Variants in RNF115 observed in about 807,000 individuals in gnomAD.
The protein encoded by RNF115 is E3 ubiquitin-protein ligase RNF115.
RNF115 carries 31 observed loss-of-function variants against 39.2 expected under a neutral mutation model. The ratio of observed to expected loss-of-function variants is 0.79; its 90% CI spans 0.59 to 1.07. The LOEUF (loss-of-function observed/expected upper bound fraction) is 1.07. RNF115 is among the 50% of genes least tolerant of loss of function. The pLI, the probability that RNF115 is intolerant of heterozygous loss-of-function variation, is 0.00. For synonymous variants in RNF115, 124 were observed against 131.0 expected (o/e 0.95, Z 0.37); for missense variants, 384 against 381.7 (o/e 1.01, Z -0.05).
chr1:145,786,904 A>G (rs1302887591), intron 2 of RNF115: 2 of 189,376 alleles, frequency 1.1e-5, no homozygotes, highest in East Asian at 3.7e-4. Context: ...CCAAGATGAC[A>G]TTTAACTGTA....
chr1:145,773,780 T>A (rs587691151), intron 3 of RNF115: 1 of 152,184 alleles, frequency 6.6e-6, no homozygotes, highest in Admixed American at 6.5e-5. Flanking sequence ...CAATATCTTA[T>A]TGTTTGCCCT....
At position 145,742,361 on chromosome 1, in the gene RNF115, G is replaced by C. The variant is rs1657716388; in HGVS notation, c.*4505C>G. On this transcript the variant is annotated 3_prime_UTR_variant, in exon 9 of 9. Transcript: ENST00000582693. ...AAAATCAATAGATAACCGTATTGTA[G>C]TTCAACTGATTATAATATAGAAGCA... 6.6e-6 allele frequency: 1 copy of C among 152,144 alleles called. No homozygotes were observed. The highest frequency in any genetic ancestry group is 2.4e-5 in the African/African-American group (1 of 41,416). 9.4% of individuals were successfully genotyped at this position (152,144 alleles called of 1,614,324 possible). A position where few individuals can be genotyped will look rare whatever the true frequency, so the allele number is the denominator to read the frequency against.
rs1553710695 is a variant in RNF115 at position 145,739,327 on chromosome 1, A to G, written c.*7539T>C. On this transcript the variant is annotated 3_prime_UTR_variant, in exon 9 of 9. Transcript: ENST00000582693. ...AGCTACAGCTCCATGGTGAGCCATT[A>G]AAAGGAAAGAGACACTTTACCTGTG... 6.6e-6 allele frequency: 1 copy of G among 152,204 alleles called. No individual in the cohort carries two copies. Among genetic ancestry groups the G allele is most frequent in the Non-Finnish European group, 1.5e-5 (1 of 68,024 alleles). The allele number at this position is 152,204 out of a possible 1,614,324, so 9.4% of individuals were successfully genotyped here.
chr1:145,766,311 G>A (rs1373144612), intron 4 of RNF115, among the ~76,000 whole-genome samples: 1 of 152,166 alleles, frequency 6.6e-6, no homozygotes, highest in Non-Finnish European at 1.5e-5. Flanking sequence ...AGGGTTGGGG[G>A]TAAGGTCACA....
chr1:145,787,973 T>C (rs776980259), intron 2 of RNF115, among the ~76,000 whole-genome samples: 6 of 152,126 alleles, frequency 3.9e-5, no homozygotes, highest in Non-Finnish European at 8.8e-5. Flanking sequence ...TTCAGAAATA[T>C]TTCCCCTTTT....
At chr1:145,819,702 A>T in intron 1 of RNF115, among the ~76,000 whole-genome samples, 2 of 152,224 alleles carry the variant, frequency 1.3e-5, no homozygotes, top group Non-Finnish European at 2.9e-5. Context: ...AGACACAAAA[A>T]TTCTAAATAA....
intron 1 of RNF115, among the ~76,000 whole-genome samples, chr1:145,793,842 C>CTTTT (rs11304765): frequency 5.2e-5 from 7 of 135,788 alleles, no homozygotes; most frequent in African/African-American, 8.2e-5. Context: ...TACCCTCTTT[C>CTTTT]TTTTTTTTTT....
At chr1:145,768,997 T>G (rs1553715377) in intron 4 of RNF115, among the ~76,000 whole-genome samples, 1 of 152,208 alleles carries the variant, frequency 6.6e-6, no homozygotes, top group African/African-American at 2.4e-5. Context: ...GATATACTGG[T>G]GCCTTGGAAG....
Position 145,740,127 on chromosome 1 carries a change from T to C in RNF115, c.*6739A>G, listed in dbSNP as rs781786290. 3.3e-5 allele frequency: 5 copies of C among 152,232 alleles called. No individual in the cohort carries two copies. Among genetic ancestry groups the C allele is most frequent in the Non-Finnish European group, 7.3e-5 (5 of 68,034 alleles). The allele number at this position is 152,232 out of a possible 1,614,324, so 9.4% of individuals were successfully genotyped here. ...TTTCTAACTAAATAATAAACTCACATAGGTAGAGATGTCTTTTGTTTTTAC... is the reference window on the plus strand; with the variant it reads ...TTTCTAACTAAATAATAAACTCACACAGGTAGAGATGTCTTTTGTTTTTAC... On this transcript the variant is annotated 3_prime_UTR_variant, in exon 9 of 9. Coordinates refer to ENST00000582693, the MANE Select transcript of RNF115 (RefSeq NM_014455.4).
chr1:145,805,057 C>A lies in RNF115; in HGVS notation c.103-16091G>T, dbSNP rs1027854832. Among the ~76,000 whole-genome samples the A allele has an allele frequency of 7.3e-5, 11 of 151,596 alleles. 1 individual carries two copies. Among genetic ancestry groups the A allele is most frequent in the Admixed American group, 1.3e-4 (2 of 15,226 alleles). ...CCAAGTATAAATATTAAAAAAAAAA[C>A]CATCTACCATCACCATTTCATTTTA... is the stretch of plus-strand genomic sequence containing the variant. On this transcript the variant is annotated intron_variant, in intron 1 of 8. Coordinates refer to ENST00000582693, the MANE Select transcript of RNF115 (RefSeq NM_014455.4).
intron 1 of RNF115, among the ~76,000 whole-genome samples, chr1:145,791,476 C>G (rs1276210855): frequency 1.3e-5 from 2 of 150,134 alleles, no homozygotes; most frequent in East Asian, 3.9e-4. Flanking sequence ...CACGCCATTG[C>G]ACTCCAGCCT....
rs1657774645 is a variant in RNF115 at position 145,743,819 on chromosome 1, AAT to A, written c.*3045_*3046del. 1 of 149,010 alleles carries A rather than the reference AAT, an allele frequency of 6.7e-6. No individual in the cohort carries two copies. The highest frequency in any genetic ancestry group is 2.4e-5 in the African/African-American group (1 of 40,880). The allele number at this position is 149,010 out of a possible 1,614,324, so 9.2% of individuals were successfully genotyped here. ...ATAAATAAATAAATAAATAAATAAT[AAT>A]AATAATAATAATAAATCCCTGAAGA... On this transcript the variant is annotated 3_prime_UTR_variant, in exon 9 of 9. Transcript: ENST00000582693.
chr1:145,757,882 C>G (rs587763780), intron 4 of RNF115, among the ~76,000 whole-genome samples: 1 of 152,200 alleles, frequency 6.6e-6, no homozygotes, highest in African/African-American at 2.4e-5. Flanking sequence ...GGAACTATAC[C>G]CAAGGAGCCA....
intron 4 of RNF115, among the ~76,000 whole-genome samples, chr1:145,765,801 T>A (rs1647227255): frequency 6.6e-6 from 1 of 152,184 alleles, no homozygotes; most frequent in African/African-American, 2.4e-5. Context: ...GAATAAATAT[T>A]TGCAGAATGA....
intron 3 of RNF115, among the ~76,000 whole-genome samples, chr1:145,778,538 A>AAAT (rs1647981976): frequency 6.6e-6 from 1 of 152,208 alleles, no homozygotes; most frequent in Non-Finnish European, 1.5e-5. Flanking sequence ...AATTAAGGGT[A>AAAT]AATAATTTTA....
At chr1:145,799,308 C>T (rs944649228) in intron 1 of RNF115, among the ~76,000 whole-genome samples, 3 of 152,068 alleles carry the variant, frequency 2.0e-5, no homozygotes, top group Non-Finnish European at 4.4e-5. Context: ...CCTCGTGATC[C>T]GCCTGCCTCG....
chr1:145,808,640 G>A (rs1346934157), intron 1 of RNF115, among the ~76,000 whole-genome samples: 1 of 152,166 alleles, frequency 6.6e-6, no homozygotes, highest in African/African-American at 2.4e-5. Flanking sequence ...TAAACAGAAA[G>A]TAAATGTACC....
At chr1:145,764,467 G>A (rs1658667402) in intron 4 of RNF115, among the ~76,000 whole-genome samples, 1 of 151,992 alleles carries the variant, frequency 6.6e-6, no homozygotes, top group East Asian at 1.9e-4. Flanking sequence ...TGGGATGTGA[G>A]GAGCGCCTCT....
rs184788273 is a variant in RNF115 at position 145,744,724 on chromosome 1, T to A, written c.*2142A>T. ...TTTTGTTCTGATCATTCTAAACTGATCATTCTGATCATTGTTGTGTGACAA... is the reference window on the plus strand; with the variant it reads ...TTTTGTTCTGATCATTCTAAACTGAACATTCTGATCATTGTTGTGTGACAA... On this transcript the variant is annotated 3_prime_UTR_variant, in exon 9 of 9. Transcript: ENST00000582693. 6.6e-6 allele frequency: 1 copy of A among 152,320 alleles called. No individual in the cohort carries two copies. Among genetic ancestry groups the A allele is most frequent in the East Asian group, 1.9e-4 (1 of 5,192 alleles). The allele number at this position is 152,320 out of a possible 1,614,324, so 9.4% of individuals were successfully genotyped here. A position where few individuals can be genotyped will look rare whatever the true frequency, so the allele number is the denominator to read the frequency against.
Sources: allele counts gnomAD v4.1 joint callset (sites outside exome capture counted in the v4.1 genomes callset), GRCh38; gene constraint gnomAD v4.1.1; transcripts MANE v1.5; gene names NCBI Gene and HGNC (gene_info 2026-07-23, HGNC 2026-07-21).